The following NNT variants were observed in gnomAD, a reference collection of about 807,000 sequenced individuals.
NNT encodes the protein nicotinamide nucleotide transhydrogenase.
In NNT, 50 loss-of-function variants were observed where a neutral mutation model predicts 104.8. The ratio of observed to expected loss-of-function variants is 0.48; its 90% CI spans 0.38 to 0.60. The LOEUF is 0.60. NNT is among the 20% of genes least tolerant of loss of function. The probability of loss-of-function intolerance (pLI) is 0.00; values close to 1 mark genes in which losing one functional copy is unlikely to be tolerated. For missense variants in NNT, 1,131 were observed against 1,330.7 expected (o/e 0.85, Z 2.33); for synonymous variants, 461 against 490.4 (o/e 0.94, Z 0.79).
chr5:43,617,181 T>C (rs916697547), intron 4 of NNT, among the ~76,000 whole-genome samples: 10 of 152,350 alleles, frequency 6.6e-5, no homozygotes, highest in African/African-American at 2.4e-4. Flanking sequence ...TGTAAAGTTT[T>C]AAGGGTGCTG....
In NNT at chr5:43,653,191, G is replaced by A. The variant is rs549163892; in HGVS notation, c.2037G>A (p.Ala679=). 8.7e-6 allele frequency: 14 copies of A among 1,613,920 alleles called. No individual in the cohort carries two copies. The highest frequency in any genetic ancestry group is 7.7e-5 in the South Asian group (7 of 91,046). Residue 679 remains alanine (A), a synonymous_variant, in exon 14 of 22, where the codon GCG becomes GCA. Coordinates refer to ENST00000344920, the MANE Select transcript of NNT (RefSeq NM_182977.3). The part of the protein sequence containing the change: ...GPELLAQMSG[A]MALGGTIGLT... ...AATTACTAGCTCAGATGTCTGGAGC[G>A]ATGGCTTTGGGTGGTACCATTGGTA...
chr5:43,653,476 A>T, intron 14 of NNT: 1 of 338,944 alleles, frequency 3.0e-6, no homozygotes, highest in Non-Finnish European at 5.5e-6. Context: ...TGATAATGGA[A>T]TGGGGGATTG....
intron 3 of NNT, among the ~76,000 whole-genome samples, chr5:43,614,908 C>T (rs535633785): frequency 1.3e-5 from 2 of 151,846 alleles, no homozygotes; most frequent in Non-Finnish European, 2.9e-5. Flanking sequence ...GAGGCCGAGG[C>T]GGGTGGATCA....
At chr5:43,630,430 C>CTA (rs1254979851) in intron 7 of NNT, among the ~76,000 whole-genome samples, 1 of 152,004 alleles carries the variant, frequency 6.6e-6, no homozygotes, top group Non-Finnish European at 1.5e-5. Flanking sequence ...TCATATTTTT[C>CTA]TATATATGTG....
At chr5:43,629,898 T>C (rs1750590589) in intron 7 of NNT, among the ~76,000 whole-genome samples, 1 of 152,222 alleles carries the variant, frequency 6.6e-6, no homozygotes, top group Non-Finnish European at 1.5e-5. Context: ...GATGCATAGT[T>C]TGTGAAAATT....
At chr5:43,679,923 A>C (rs966466811) in intron 19 of NNT, among the ~76,000 whole-genome samples, 4 of 151,862 alleles carry the variant, frequency 2.6e-5, no homozygotes, top group African/African-American at 9.7e-5. Flanking sequence ...TAAGATTATT[A>C]ATTCAGTCTA....
At chr5:43,690,390 G>A (rs1366756847) in intron 19 of NNT, among the ~76,000 whole-genome samples, 1 of 152,150 alleles carries the variant, frequency 6.6e-6, no homozygotes, top group South Asian at 2.1e-4. Context: ...GTAGAACAAC[G>A]ATTCTTAGTC....
At chr5:43,691,070 AGTGTGTGTGT>A (rs56075202) in intron 19 of NNT, among the ~76,000 whole-genome samples, 54 of 137,502 alleles carry the variant, frequency 3.9e-4, no homozygotes, top group Admixed American at 7.2e-4. Context: ...TTTTTGAGAG[AGTGTGTGTGT>A]GTGTGTGTGT....
At chr5:43,666,051 C>T (rs909103752) in intron 17 of NNT, among the ~76,000 whole-genome samples, 6 of 151,744 alleles carry the variant, frequency 4.0e-5, no homozygotes, top group East Asian at 3.9e-4. Flanking sequence ...CGGGCAGAGA[C>T]GCTCCTCACT....
chr5:43,652,564 G>A (rs1199570698), intron 13 of NNT, among the ~76,000 whole-genome samples: 1 of 151,138 alleles, frequency 6.6e-6, no homozygotes, highest in Non-Finnish European at 1.5e-5. Flanking sequence ...GGAGCAGTGA[G>A]TCAGAAAGAC....
chr5:43,605,228 G>A (rs895740557), intron 1 of NNT, among the ~76,000 whole-genome samples: 1 of 152,144 alleles, frequency 6.6e-6, no homozygotes, highest in Non-Finnish European at 1.5e-5. Context: ...AAAAAGTTGT[G>A]CTTTTGGGCC....
intron 17 of NNT, among the ~76,000 whole-genome samples, chr5:43,664,406 A>G (rs1409795203): frequency 2.0e-5 from 3 of 152,200 alleles, no homozygotes; most frequent in Non-Finnish European, 4.4e-5. Context: ...AGCCAAATCA[A>G]AAATATTTTT....
At chr5:43,656,166 G>C (rs1438265598) in intron 15 of NNT, 93 bp downstream of exon 15, 1 of 1,088,328 alleles carries the variant, frequency 9.2e-7, no homozygotes, top group Non-Finnish European at 1.3e-6. Flanking sequence ...AACAGGGCTG[G>C]GCGCAATGGC....
intron 17 of NNT, among the ~76,000 whole-genome samples, chr5:43,661,116 AG>A (rs143694756): frequency 0.034 from 5,134 of 152,268 alleles, 135 homozygotes; most frequent in East Asian, 0.12. Context: ...AAACAAGCTA[AG>A]GGGTTTTAAA....
chr5:43,642,198 T>C (rs1478571656), intron 7 of NNT, among the ~76,000 whole-genome samples: 10 of 152,128 alleles, frequency 6.6e-5, no homozygotes, highest in Admixed American at 6.6e-4. Flanking sequence ...GAGAAGAGGC[T>C]CTGGCCCTAG....
intron 20 of NNT, among the ~76,000 whole-genome samples, chr5:43,700,781 A>C (rs946362875): frequency 6.6e-6 from 1 of 152,254 alleles, no homozygotes; most frequent in African/African-American, 2.4e-5. Context: ...TGGTAATGAC[A>C]TTTGGCCCAA....
Position 43,675,596 on chromosome 5 carries a change from G to A in NNT, c.2720G>A (p.Gly907Asp). The A allele has an allele frequency of 6.2e-7, 1 of 1,613,056 alleles. No individual in the cohort carries two copies. The highest frequency in any genetic ancestry group is 8.5e-7 in the Non-Finnish European group (1 of 1,179,636). Residue 907 changes from glycine (G) to aspartate (D), a missense_variant, in exon 18 of 22, where the codon GGC (glycine) becomes GAC (aspartate). Transcript: ENST00000344920. ...TAGGKPMEIS[G>D]THTEINLDNA... ...GGTGGAAAACCCATGGAAATTTCTGGCACACATACGGAAATCAACCTTGAC... is the reference window on the plus strand; with the variant it reads ...GGTGGAAAACCCATGGAAATTTCTGACACACATACGGAAATCAACCTTGAC...
chr5:43,668,458 A>C (rs1003998100), intron 17 of NNT, among the ~76,000 whole-genome samples: 1 of 152,148 alleles, frequency 6.6e-6, no homozygotes, highest in Admixed American at 6.5e-5. Flanking sequence ...ATTTTTGTAT[A>C]AGGTGTAAGG....
At chr5:43,668,099 C>T (rs1740816370) in intron 17 of NNT, among the ~76,000 whole-genome samples, 1 of 152,168 alleles carries the variant, frequency 6.6e-6, no homozygotes, top group Admixed American at 6.5e-5. Flanking sequence ...ATCCTTTGCC[C>T]ACTTGTTGAT....
Sources: allele counts gnomAD v4.1 joint callset (sites outside exome capture counted in the v4.1 genomes callset), GRCh38; gene constraint gnomAD v4.1.1; transcripts MANE v1.5; gene names NCBI Gene and HGNC (gene_info 2026-07-23, HGNC 2026-07-21).